Variants in CLIC4 observed in about 807,000 individuals in gnomAD.
CLIC4 encodes the protein chloride intracellular channel protein 4.
CLIC4 carries 13 observed loss-of-function variants against 24.6 expected under a neutral mutation model. The ratio of observed to expected loss-of-function variants is 0.53; its 90% CI spans 0.34 to 0.84. CLIC4 has a LOEUF of 0.84. Among genes scored for constraint, CLIC4 ranks in the 40% least tolerant of loss-of-function variants. CLIC4 has a pLI of 0.01. For missense variants in CLIC4, 227 were observed against 301.7 expected (o/e 0.75, Z 1.83); for synonymous variants, 104 against 111.3 (o/e 0.93, Z 0.41).
intron 2 of CLIC4, among the ~76,000 whole-genome samples, chr1:24,812,674 T>C (rs1639625883): frequency 6.6e-6 from 1 of 152,178 alleles, no homozygotes; most frequent in Non-Finnish European, 1.5e-5. Flanking sequence ...GAGGCTTGCT[T>C]CTTATTAGAA....
chr1:24,830,590 G>T (rs1446439792), intron 4 of CLIC4, among the ~76,000 whole-genome samples: 3 of 151,920 alleles, frequency 2.0e-5, no homozygotes, highest in Non-Finnish European at 2.9e-5. Flanking sequence ...GTCTATACCA[G>T]TTTATATTCC....
intron 4 of CLIC4, 103 bp downstream of exon 4, chr1:24,827,219 A>T (rs1639795966): frequency 2.9e-6 from 2 of 700,988 alleles, no homozygotes; most frequent in South Asian, 3.7e-5. Context: ...GAGTCCAGCC[A>T]TTCCCATAAG....
Position 24,843,197 on chromosome 1 carries a change from C to G in CLIC4, c.*2260C>G, listed in dbSNP as rs1235695711. 1.3e-5 allele frequency: 2 copies of G among 152,148 alleles called. No individual in the cohort carries two copies. The highest frequency in any genetic ancestry group is 2.9e-5 in the Non-Finnish European group (2 of 68,020). 9.4% of individuals were successfully genotyped at this position (152,148 alleles called of 1,614,324 possible). The stretch of plus-strand genomic sequence containing the variant: ...TTTCTCTGTAGAAACACAGATACCA[C>G]TTTATCAGGGAAGTTAGTCAAATGA... On this transcript the variant is annotated 3_prime_UTR_variant, in exon 6 of 6. Transcript: ENST00000374379.
At chr1:24,820,954 C>T (rs189451196) in intron 3 of CLIC4, among the ~76,000 whole-genome samples, 35 of 152,154 alleles carry the variant, frequency 2.3e-4, no homozygotes, top group Middle Eastern at 6.8e-3. Flanking sequence ...GAGACTGAGG[C>T]GGGTGGATGA....
At chr1:24,818,301 T>G (rs947170397) in intron 3 of CLIC4, among the ~76,000 whole-genome samples, 3 of 152,150 alleles carry the variant, frequency 2.0e-5, no homozygotes, top group African/African-American at 4.8e-5. Context: ...GTTTTGTTTT[T>G]TTTGAGACAG....
At position 24,796,044 on chromosome 1, in the gene CLIC4, G is replaced by GGAATTAC. The variant is rs537366466; in HGVS notation, c.73-1697_73-1691dup. On this transcript the variant is annotated intron_variant, in intron 1 of 5. Transcript: ENST00000374379. Reference sequence around the variant, plus strand: ...GAGGCAAGGGTTTATGTACCCCCTAGGAATTACTGTTCTGTCCAACATAGT... The same window carrying GGAATTAC: ...GAGGCAAGGGTTTATGTACCCCCTAGGAATTACGAATTACTGTTCTGTCCAACATAGT... Among the ~76,000 whole-genome samples, 386 of 152,222 alleles carry GGAATTAC rather than the reference G, an allele frequency of 2.5e-3. 2 individuals are homozygous for GGAATTAC. Among genetic ancestry groups the GGAATTAC allele is most frequent in the African/African-American group, 8.9e-3 (369 of 41,512 alleles).
chr1:24,797,713 T>G lies in CLIC4; in HGVS notation c.73-29T>G, dbSNP rs1409027076. The G allele has an allele frequency of 2.0e-6, 3 of 1,511,092 alleles. No homozygotes were observed. The South Asian group carries it at 3.6e-5, about 18-fold the overall frequency. 93.6% of individuals were successfully genotyped at this position (1,511,092 alleles called of 1,614,324 possible). On this transcript the variant is annotated intron_variant, in intron 1 of 5. Coordinates refer to ENST00000374379, the MANE Select transcript of CLIC4 (RefSeq NM_013943.3). The stretch of plus-strand genomic sequence containing the variant: ...ATGTTGAGTATCATCACTTTGACCT[T>G]GTTTTTAATGTTTAATTCTGTTTTC...
At chr1:24,799,261 G>A (rs548431692) in intron 2 of CLIC4, among the ~76,000 whole-genome samples, 49 of 150,188 alleles carry the variant, frequency 3.3e-4, no homozygotes, top group African/African-American at 1.2e-3. Flanking sequence ...CTGCCCGGCC[G>A]CCCATCGTCT....
intron 1 of CLIC4, among the ~76,000 whole-genome samples, chr1:24,795,272 A>G (rs945905486): frequency 2.0e-5 from 3 of 152,192 alleles, no homozygotes; most frequent in Admixed American, 6.5e-5. Context: ...AGGAAAATCT[A>G]CCTCATCATT....
chr1:24,809,446 G>A (rs761187004), intron 2 of CLIC4, among the ~76,000 whole-genome samples: 14 of 152,000 alleles, frequency 9.2e-5, no homozygotes, highest in Non-Finnish European at 1.5e-4. Flanking sequence ...TTCTGATGAC[G>A]AAGTATTTCA....
At chr1:24,786,604 TA>T (rs1357466990) in intron 1 of CLIC4, among the ~76,000 whole-genome samples, 1 of 152,184 alleles carries the variant, frequency 6.6e-6, no homozygotes, top group African/African-American at 2.4e-5. Context: ...CATTCGAGTT[TA>T]AAAAAATTAT....
chr1:24,826,840 T>TCTCG (rs1213807503), intron 3 of CLIC4, among the ~76,000 whole-genome samples, 170 bp from the exon 4 acceptor site: 1 of 152,202 alleles, frequency 6.6e-6, no homozygotes, highest in African/African-American at 2.4e-5. Flanking sequence ...CAGAGCTTTG[T>TCTCG]CTCGTAAGGA....
intron 1 of CLIC4, among the ~76,000 whole-genome samples, chr1:24,755,399 A>C (rs189724066): frequency 7.5e-4 from 113 of 150,508 alleles, no homozygotes; most frequent in Non-Finnish European, 1.5e-3. Context: ...AGATCACACC[A>C]CTGCACTCCA....
chr1:24,843,782 CTTCTGTTGTGTTTTG>C lies in CLIC4; in HGVS notation c.*2846_*2860del, dbSNP rs1639966667. On this transcript the variant is annotated 3_prime_UTR_variant, in exon 6 of 6. Transcript: ENST00000374379. ...CAACTCTAGGATTTAGGCATGTTAA[CTTCTGTTGTGTTTTG>C]AATCTCTCCAGAGTTGCATGTAGAT... 6 of 152,614 alleles carry C rather than the reference CTTCTGTTGTGTTTTG, an allele frequency of 3.9e-5. No homozygotes were observed. Among genetic ancestry groups the C allele is most frequent in the Admixed American group, 3.9e-4 (6 of 15,280 alleles). 9.5% of individuals were successfully genotyped at this position (152,614 alleles called of 1,614,324 possible).
chr1:24,821,850 T>C (rs1322868680), intron 3 of CLIC4, among the ~76,000 whole-genome samples: 1 of 152,168 alleles, frequency 6.6e-6, no homozygotes, highest in East Asian at 1.9e-4. Context: ...CCTCCCAAAG[T>C]GCTGGGATTA....
chr1:24,781,110 G>T (rs1031481145), intron 1 of CLIC4, among the ~76,000 whole-genome samples: 6 of 136,740 alleles, frequency 4.4e-5, no homozygotes, highest in African/African-American at 1.6e-4. Context: ...AAAAAAGAAA[G>T]AAATTGAAAG....
chr1:24,777,714 G>A (rs1378182591), intron 1 of CLIC4, among the ~76,000 whole-genome samples: 1 of 152,070 alleles, frequency 6.6e-6, no homozygotes, highest in East Asian at 1.9e-4. Flanking sequence ...TCTAGTTTGA[G>A]TTGAGATGTA....
At chr1:24,793,029 T>C (rs1639357630) in intron 1 of CLIC4, 2 of 152,236 alleles carry the variant, frequency 1.3e-5, no homozygotes, top group African/African-American at 4.8e-5. Flanking sequence ...TTATGTCTCG[T>C]TTACCAACTT....
At chr1:24,765,850 G>A (rs1638988879) in intron 1 of CLIC4, among the ~76,000 whole-genome samples, 1 of 127,596 alleles carries the variant, frequency 7.8e-6, no homozygotes, top group African/African-American at 3.0e-5. Context: ...CTCGCTCTGT[G>A]ACCTAGGCTG....
Sources: allele counts gnomAD v4.1 joint callset (sites outside exome capture counted in the v4.1 genomes callset), GRCh38; gene constraint gnomAD v4.1.1; transcripts MANE v1.5; gene names NCBI Gene and HGNC (gene_info 2026-07-23, HGNC 2026-07-21).